The following ZNF428 variants were observed in gnomAD, a reference collection of about 807,000 sequenced individuals.
The protein encoded by ZNF428 is enzyme-like protein PIT13.
ZNF428 carries 5 observed loss-of-function variants against 15.6 expected under a neutral mutation model. The observed-to-expected ratio is 0.32, with a 90% CI of 0.17 to 0.67. The LOEUF is 0.67. Ranked by LOEUF, ZNF428 falls within the 30% of genes least tolerant of loss-of-function variation. ZNF428 has a pLI of 0.73. For synonymous variants in ZNF428, 97 were observed against 102.2 expected (o/e 0.95, Z 0.31); for missense variants, 237 against 256.0 (o/e 0.93, Z 0.51).
rs1052829422 is a variant in ZNF428, at chr19:43,607,353, A to G, written c.*264T>C. The G allele has an allele frequency of 4.8e-6, 2 of 420,826 alleles. No individual in the cohort carries two copies. Among genetic ancestry groups the G allele is most frequent in the African/African-American group, 4.1e-5 (2 of 48,734 alleles). 26.1% of individuals were successfully genotyped at this position (420,826 alleles called of 1,614,324 possible). ...TCCCAAAAGACCCCAAGGTTCCCCA[A>G]GAAGGAGCCCAGGGGGAATACACAC... is the stretch of plus-strand genomic sequence containing the variant. On this transcript the variant is annotated 3_prime_UTR_variant, in exon 3 of 3. Coordinates refer to ENST00000300811, the MANE Select transcript of ZNF428 (RefSeq NM_182498.4). This position sits in a 1 kb window ranked among gnomAD's most constrained non-coding sequence, Gnocchi z 5.1.
Position 43,613,269 on chromosome 19 carries a change from C to CCAGGAAGGAGAGTGGTCGCAGT in ZNF428, c.76+938_76+959dup, listed in dbSNP as rs765494423. 6.4e-6 allele frequency: 10 copies of CCAGGAAGGAGAGTGGTCGCAGT among 1,551,490 alleles called. No homozygotes were observed. The Admixed American group carries it at 1.8e-4, about 27-fold the overall frequency. The stretch of plus-strand genomic sequence containing the variant: ...AGAGATCACAGGGGATCTAGCAGCC[C>CCAGGAAGGAGAGTGGTCGCAGT]CAGGAAGGAGAGTGGTCGCAGTCAA... On this transcript the variant is annotated intron_variant, in intron 2 of 2. Coordinates refer to ENST00000300811, the MANE Select transcript of ZNF428 (RefSeq NM_182498.4).
Position 43,614,242 on chromosome 19 carries a change from TTCA to T in ZNF428, c.60_62del (p.Asp20del), listed in dbSNP as rs1334341398. On this transcript the variant is annotated inframe_deletion, in exon 2 of 3. Transcript: ENST00000300811. ...AGGCCACCTTACCTGGGGAAAGGTC[TTCA>T]TCATCTTCTTCCAAGCTGGCGTAGC... The T allele has an allele frequency of 6.2e-7, 1 of 1,614,046 alleles. No individual in the cohort carries two copies. The highest frequency in any genetic ancestry group is 8.5e-7 in the Non-Finnish European group (1 of 1,180,008).
At position 43,613,937 on chromosome 19, in the gene ZNF428, A is replaced by T. The variant is rs1465261314; in HGVS notation, c.76+292T>A. On this transcript the variant is annotated intron_variant, in intron 2 of 2. Transcript: ENST00000300811. Reference sequence around the variant, plus strand: ...AAGCCCCAATAAGCAGAGTGGTTACAGTCGACCTAGAGCCTCCAGCAAGGA... The same window carrying T: ...AAGCCCCAATAAGCAGAGTGGTTACTGTCGACCTAGAGCCTCCAGCAAGGA... The T allele has an allele frequency of 2.4e-5, 38 of 1,551,622 alleles. No individual in the cohort carries two copies. The Admixed American group carries it at 7.5e-4, about 30-fold the overall frequency.
At chr19:43,608,742 A>G (rs1310678059) in intron 2 of ZNF428, 1 of 151,778 alleles carries the variant, frequency 6.6e-6, no homozygotes, top group East Asian at 1.9e-4. Flanking sequence ...AGCCTGGCCA[A>G]CATGGTGAAA....
chr19:43,607,420 C>CACACACACACGGGAAT lies in ZNF428; in HGVS notation c.*196_*197insATTCCCGTGTGTGTGT. 1 of 366,212 alleles carries CACACACACACGGGAAT rather than the reference C, an allele frequency of 2.7e-6. No individual in the cohort carries two copies. The highest frequency in any genetic ancestry group is 4.7e-6 in the Non-Finnish European group (1 of 212,362). 22.7% of individuals were successfully genotyped at this position (366,212 alleles called of 1,614,324 possible). On this transcript the variant is annotated 3_prime_UTR_variant, in exon 3 of 3. Coordinates refer to ENST00000300811, the MANE Select transcript of ZNF428 (RefSeq NM_182498.4). This position sits in a 1 kb window ranked among gnomAD's most constrained non-coding sequence, Gnocchi z 5.1. ...AAACACACACACGGGCGGGAATACA[C>CACACACACACGGGAAT]ACACACACACACACACTCTGAACCA...
At chr19:43,614,920 G>A (rs908542864) in intron 1 of ZNF428, among the ~76,000 whole-genome samples, 1 of 151,982 alleles carries the variant, frequency 6.6e-6, no homozygotes, top group Admixed American at 6.6e-5. Context: ...CTTAATTTCC[G>A]CATGTGGGCA....
chr19:43,618,936 A>T (rs969192279), intron 1 of ZNF428, among the ~76,000 whole-genome samples: 1 of 151,986 alleles, frequency 6.6e-6, no homozygotes, highest in Non-Finnish European at 1.5e-5. Context: ...AGTATTCCAG[A>T]CGTCAGGTAG....
At position 43,612,131 on chromosome 19, in the gene ZNF428, C is replaced by G; in HGVS notation, c.76+2098G>C. The G allele has an allele frequency of 1.3e-6, 2 of 1,551,516 alleles. No individual in the cohort carries two copies. Among genetic ancestry groups the G allele is most frequent in the Non-Finnish European group, 1.7e-6 (2 of 1,146,832 alleles). On this transcript the variant is annotated intron_variant, in intron 2 of 2. Coordinates refer to ENST00000300811, the MANE Select transcript of ZNF428 (RefSeq NM_182498.4). This position sits in a 1 kb window ranked among gnomAD's most constrained non-coding sequence, Gnocchi z 4.2. ...CCCTTTTGCGCCCACCATGTCTTCACCTAAGAGATCTTCAAAGCCCAGTAT... is the reference window on the plus strand; with the variant it reads ...CCCTTTTGCGCCCACCATGTCTTCAGCTAAGAGATCTTCAAAGCCCAGTAT...
At chr19:43,618,772 ATTGT>A (rs1973400777) in intron 1 of ZNF428, among the ~76,000 whole-genome samples, 1 of 152,010 alleles carries the variant, frequency 6.6e-6, no homozygotes, top group South Asian at 2.1e-4. Context: ...TTTGGATATA[ATTGT>A]TTATCTGAAA....
intron 2 of ZNF428, among the ~76,000 whole-genome samples, chr19:43,610,736 T>C (rs1973286716): frequency 6.6e-6 from 1 of 152,174 alleles, no homozygotes; most frequent in Admixed American, 6.5e-5. Flanking sequence ...GGTGGGAATG[T>C]CCTGCCCTAG....
At chr19:43,614,982 C>G (rs781000643) in intron 1 of ZNF428, among the ~76,000 whole-genome samples, 7 of 152,098 alleles carry the variant, frequency 4.6e-5, no homozygotes, top group Non-Finnish European at 8.8e-5. Flanking sequence ...GGTGACACTC[C>G]AAATATTCAA....
chr19:43,612,522 G>C lies in ZNF428; in HGVS notation c.76+1707C>G. On this transcript the variant is annotated intron_variant, in intron 2 of 2. Transcript: ENST00000300811. The surrounding 1 kb of genome is among the most constrained non-coding windows in gnomAD (Gnocchi z 4.2). ...AGAAGGGGAAGCCGCAGCTCCAAGAGGTCACCCAGCAGGGCCAGCACTCCT... is the reference window on the plus strand; with the variant it reads ...AGAAGGGGAAGCCGCAGCTCCAAGACGTCACCCAGCAGGGCCAGCACTCCT... 1 of 1,551,388 alleles carries C rather than the reference G, an allele frequency of 6.4e-7. No individual in the cohort carries two copies. Among genetic ancestry groups the C allele is most frequent in the Non-Finnish European group, 8.7e-7 (1 of 1,146,948 alleles).
At position 43,612,626 on chromosome 19, in the gene ZNF428, C is replaced by T. The variant is rs759824958; in HGVS notation, c.76+1603G>A. On this transcript the variant is annotated intron_variant, in intron 2 of 2. Transcript: ENST00000300811. The surrounding 1 kb of genome is among the most constrained non-coding windows in gnomAD (Gnocchi z 4.2). ...TCCCACTTCACAGCAAAAAGGGAGC[C>T]GGGGAAAGAGTTACGGCCGGCCTAG... 32 of 1,551,238 alleles carry T rather than the reference C, an allele frequency of 2.1e-5. No individual in the cohort carries two copies. Among genetic ancestry groups the T allele is most frequent in the South Asian group, 4.8e-5 (4 of 84,054 alleles).
chr19:43,613,205 G>A (rs1365140275), intron 2 of ZNF428: 3 of 1,551,668 alleles, frequency 1.9e-6, no homozygotes, highest in Non-Finnish European at 2.6e-6. Context: ...CCCCAGCAAG[G>A]AAAGAAGTCA....
chr19:43,618,337 T>TA (rs1371481299), intron 1 of ZNF428, among the ~76,000 whole-genome samples: 2 of 151,694 alleles, frequency 1.3e-5, no homozygotes, highest in Non-Finnish European at 2.9e-5. Flanking sequence ...CCAGCCTACT[T>TA]ATTTATATTT....
At chr19:43,614,184 AG>A in intron 2 of ZNF428, 44 bp downstream of exon 2, 1 of 1,614,214 alleles carries the variant, frequency 6.2e-7, no homozygotes, top group South Asian at 1.1e-5. Flanking sequence ...ACCCTAAGCC[AG>A]GATGACAGTC....
At chr19:43,618,597 C>CG (rs1302257951) in intron 1 of ZNF428, among the ~76,000 whole-genome samples, 4 of 106,754 alleles carry the variant, frequency 3.7e-5, no homozygotes, top group African/African-American at 7.9e-5. Flanking sequence ...TTTGTAGAGA[C>CG]GGGGGTCTCA....
Position 43,607,273 on chromosome 19 carries a change from G to C in ZNF428, c.*344C>G, listed in dbSNP as rs896997093. ...TTAGAGCCTTTACATTATGGGGTCT[G>C]TAAGTAAATACATGGAAACCTCATC... On this transcript the variant is annotated 3_prime_UTR_variant, in exon 3 of 3. Coordinates refer to ENST00000300811, the MANE Select transcript of ZNF428 (RefSeq NM_182498.4). The surrounding 1 kb of genome is among the most constrained non-coding windows in gnomAD (Gnocchi z 5.1). The C allele has an allele frequency of 4.0e-6, 1 of 248,232 alleles. No individual in the cohort carries two copies. Among genetic ancestry groups the C allele is most frequent in the East Asian group, 8.4e-5 (1 of 11,934 alleles). The allele number at this position is 248,232 out of a possible 1,614,324, so 15.4% of individuals were successfully genotyped here.
At position 43,608,102 on chromosome 19, in the gene ZNF428, C is replaced by T. The variant is rs971199575; in HGVS notation, c.82G>A (p.Glu28Lys). ...EDDEDLSPGP[E>K]HSSDSEYTLS... The stretch of plus-strand genomic sequence containing the variant: ...GTGTATTCTGAATCAGAGGAATGCT[C>T]GGGGCCTGGAGGGGGACAGACAGGG... Residue 28 changes from glutamate (E) to lysine (K), a missense_variant, in exon 3 of 3, where the codon GAG becomes AAG. By Grantham distance (56) the Glu-to-Lys change is moderately conservative. Coordinates refer to ENST00000300811, the MANE Select transcript of ZNF428 (RefSeq NM_182498.4). 3.1e-6 allele frequency: 5 copies of T among 1,611,240 alleles called. No homozygotes were observed. Among genetic ancestry groups the T allele is most frequent in the Non-Finnish European group, 4.2e-6 (5 of 1,178,502 alleles).
Sources: gnomAD v4.1 joint callset for allele counts (sites outside exome capture counted in the v4.1 genomes callset) on GRCh38, gnomAD v4.1.1 for gene constraint, Gnocchi (gnomAD v3.1) non-coding constraint, MANE v1.5 for transcripts, NCBI Gene and HGNC (gene_info 2026-07-23, HGNC 2026-07-21) for gene names.